Variants in LVRN observed in about 807,000 individuals in gnomAD.
LVRN encodes laeverin, also known as aminopeptidase Q.
In LVRN, 99 loss-of-function variants were observed where a neutral mutation model predicts 111.4. The observed-to-expected ratio is 0.89, with a 90% CI of 0.76 to 1.05. The LOEUF is 1.05. Ranked by LOEUF, LVRN falls within the 50% of genes least tolerant of loss-of-function variation. The pLI, the probability that LVRN is intolerant of heterozygous loss-of-function variation, is 0.00. For missense variants in LVRN, 1,414 were observed against 1,206.8 expected, an observed-to-expected ratio of 1.17 and a Z score of -2.54; for synonymous variants, 488 against 449.5, an observed-to-expected ratio of 1.09 and a Z score of -1.08.
intron 15 of LVRN, among the ~76,000 whole-genome samples, 173 bp downstream of exon 15, chr5:116,012,641 T>G (rs957416055): frequency 1.3e-5 from 2 of 152,202 alleles, no homozygotes; most frequent in African/African-American, 2.4e-5. Context: ...CTAACAGAAG[T>G]TAATCGTTTG....
chr5:116,026,222 G>C lies in LVRN; in HGVS notation c.*104G>C. On this transcript the variant is annotated 3_prime_UTR_variant, in exon 20 of 20. Transcript: ENST00000357872. ...GTCTGGAAAACCACACATTTTATTT[G>C]TATTTCAGTCACATTTATTACTCAG... The C allele has an allele frequency of 6.7e-7, 1 of 1,486,796 alleles. No individual in the cohort carries two copies. The highest frequency in any genetic ancestry group is 9.2e-7 in the Non-Finnish European group (1 of 1,090,358). 92.1% of individuals were successfully genotyped at this position (1,486,796 alleles called of 1,614,324 possible).
chr5:116,016,989 G>T (rs1343041964), intron 18 of LVRN, among the ~76,000 whole-genome samples: 2 of 152,220 alleles, frequency 1.3e-5, no homozygotes. Flanking sequence ...TCAAGGTGCA[G>T]TTCAAATTGT....
intron 1 of LVRN, among the ~76,000 whole-genome samples, chr5:115,983,059 T>C (rs1452104844): frequency 6.6e-6 from 1 of 152,176 alleles, no homozygotes; most frequent in Non-Finnish European, 1.5e-5. Context: ...ACAAATATTA[T>C]TTTGTGGTTT....
Position 115,987,904 on chromosome 5 carries a change from A to T in LVRN, c.1070A>T (p.Asp357Val). 6.2e-7 allele frequency: 1 copy of T among 1,612,972 alleles called. No individual in the cohort carries two copies. The highest frequency in any genetic ancestry group is 8.5e-7 in the Non-Finnish European group (1 of 1,179,554). ...GGTCCCATCTTCTCTTTTCTGGAGG[A>T]TTTGTTTAATATCAGTTACTCTCTT... ...ITGPIFSFLE[D>V]LFNISYSLPK... Residue 357 changes from aspartate to valine, a missense_variant, in exon 4 of 20, where the codon GAT becomes GTT. Asp to Val is a radical substitution (Grantham distance 152). Coordinates refer to ENST00000357872, the MANE Select transcript of LVRN (RefSeq NM_173800.5).
At chr5:115,974,101 A>G (rs1016376994) in intron 1 of LVRN, among the ~76,000 whole-genome samples, 6 of 152,190 alleles carry the variant, frequency 3.9e-5, no homozygotes, top group Non-Finnish European at 8.8e-5. Context: ...TCAGTCCACC[A>G]TCATAGTAGA....
At chr5:116,019,472 A>G (rs1045888472) in intron 18 of LVRN, among the ~76,000 whole-genome samples, 1 of 152,234 alleles carries the variant, frequency 6.6e-6, no homozygotes, top group Non-Finnish European at 1.5e-5. Context: ...TGCACATTCT[A>G]CGGGTGTTGA....
chr5:115,998,523 TTATTTTCTC>T (rs1373143767), intron 6 of LVRN, among the ~76,000 whole-genome samples: 2 of 152,206 alleles, frequency 1.3e-5, no homozygotes, highest in Non-Finnish European at 2.9e-5. Flanking sequence ...ATGGGTGATT[TTATTTTCTC>T]TATTTTCTAC....
chr5:116,011,567 G>A (rs968513712), intron 14 of LVRN, among the ~76,000 whole-genome samples: 6 of 152,166 alleles, frequency 3.9e-5, no homozygotes, highest in African/African-American at 1.2e-4. Context: ...AAGTATGTTA[G>A]GTAATGATTT....
chr5:115,973,177 C>A (rs1418971255), intron 1 of LVRN, among the ~76,000 whole-genome samples: 1 of 152,122 alleles, frequency 6.6e-6, no homozygotes, highest in African/African-American at 2.4e-5. Context: ...GAATCCATCT[C>A]CCTTGGCCTC....
Position 115,983,373 on chromosome 5 carries a change from A to G in LVRN, c.782A>G (p.Asn261Ser). 1 of 1,611,174 alleles carries G rather than the reference A, an allele frequency of 6.2e-7. No homozygotes were observed. Among genetic ancestry groups the G allele is most frequent in the Non-Finnish European group, 8.5e-7 (1 of 1,179,120 alleles). The change falls in exon 2 of 20, where the codon AAT (asparagine) becomes AGT (serine). Residue 261 changes from asparagine to serine, a missense_variant. Coordinates refer to ENST00000357872, the MANE Select transcript of LVRN (RefSeq NM_173800.5). ...FDEPALKATFNITMIHHPSYV... is the reference protein window; with the variant it reads ...FDEPALKATFSITMIHHPSYV... Reference sequence around the variant, plus strand: ...GAGCCAGCTCTGAAGGCAACTTTTAATATTACAATGATTCATCATCCAAGT... The same window carrying G: ...GAGCCAGCTCTGAAGGCAACTTTTAGTATTACAATGATTCATCATCCAAGT...
intron 1 of LVRN, among the ~76,000 whole-genome samples, chr5:115,964,162 T>A (rs938911320): frequency 2.0e-5 from 3 of 152,218 alleles, no homozygotes; most frequent in African/African-American, 7.2e-5. Context: ...AAGTGGGAGA[T>A]ATCAAAATTT....
At chr5:115,981,533 T>G (rs1372568844) in intron 1 of LVRN, among the ~76,000 whole-genome samples, 1 of 152,166 alleles carries the variant, frequency 6.6e-6, no homozygotes. Flanking sequence ...AATAATCACA[T>G]CATGGAGAAT....
In LVRN at chr5:115,962,785, C is replaced by G. The variant is rs1245367735; in HGVS notation, c.168C>G (p.Ala56=). 1 of 1,610,894 alleles carries G rather than the reference C, an allele frequency of 6.2e-7. No homozygotes were observed. Among genetic ancestry groups the G allele is most frequent in the Non-Finnish European group, 8.5e-7 (1 of 1,178,510 alleles). The stretch of plus-strand genomic sequence containing the variant: ...TGCCTGGACTCAGGGACTTGGAAGC[C>G]GAGTCTTCCCCTCCCCTCAGGCAGA... The part of the protein sequence containing the change: ...SELPGLRDLE[A]ESSPPLRQKP... The change falls in exon 1 of 20, where the codon GCC becomes GCG. Residue 56 remains alanine, a synonymous_variant. Coordinates refer to ENST00000357872, the MANE Select transcript of LVRN (RefSeq NM_173800.5).
chr5:115,982,173 G>C (rs78190596), intron 1 of LVRN, among the ~76,000 whole-genome samples: 1 of 152,142 alleles, frequency 6.6e-6, no homozygotes, highest in South Asian at 2.1e-4. Context: ...ATACAATGAG[G>C]TTATGACACC....
chr5:115,983,644 A>G (rs753993518), intron 2 of LVRN, among the ~76,000 whole-genome samples: 1 of 152,174 alleles, frequency 6.6e-6, no homozygotes, highest in Non-Finnish European at 1.5e-5. Context: ...AGGATATTAC[A>G]CTGTTCTTAT....
At chr5:115,981,168 T>C (rs1753552197) in intron 1 of LVRN, among the ~76,000 whole-genome samples, 2 of 152,276 alleles carry the variant, frequency 1.3e-5, no homozygotes, top group East Asian at 3.9e-4. Context: ...ACCAAAACCA[T>C]AAAACAAATG....
chr5:115,988,655 G>A (rs950528611), intron 4 of LVRN, among the ~76,000 whole-genome samples: 2 of 152,152 alleles, frequency 1.3e-5, no homozygotes, highest in African/African-American at 4.8e-5. Context: ...AAGAAGGTAG[G>A]GAGTAAATAT....
intron 19 of LVRN, chr5:116,023,486 C>T (rs1748800058): frequency 1.3e-5 from 2 of 152,208 alleles, no homozygotes; most frequent in African/African-American, 4.8e-5. Flanking sequence ...ATTGGTCCTA[C>T]TTGGGTCAGA....
chr5:115,982,347 C>T (rs1055638837), intron 1 of LVRN, among the ~76,000 whole-genome samples: 8 of 152,094 alleles, frequency 5.3e-5, no homozygotes, highest in African/African-American at 1.9e-4. Flanking sequence ...TTGTTGAATT[C>T]ACCTCTTATT....
Sources: allele counts gnomAD v4.1 joint callset (sites outside exome capture counted in the v4.1 genomes callset), GRCh38; gene constraint gnomAD v4.1.1; transcripts MANE v1.5; gene names NCBI Gene and HGNC (gene_info 2026-07-23, HGNC 2026-07-21).